The following MOB3B variants were observed in gnomAD, a reference collection of about 807,000 sequenced individuals.
The protein encoded by MOB3B is MOB kinase activator 3B.
MOB3B carries 7 observed loss-of-function variants against 18.7 expected under a neutral mutation model. The ratio of observed to expected loss-of-function variants is 0.37; its 90% CI spans 0.21 to 0.70. The LOEUF is 0.70. MOB3B is among the 30% of genes least tolerant of loss of function. The probability of loss-of-function intolerance (pLI) is 0.52; values close to 1 mark genes in which losing one functional copy is unlikely to be tolerated. For missense variants in MOB3B, 253 were observed against 281.3 expected (o/e 0.90, Z 0.72); for synonymous variants, 111 against 99.9 (o/e 1.11, Z -0.66).
intron 1 of MOB3B, among the ~76,000 whole-genome samples, chr9:27,465,979 TG>T (rs1819377406): frequency 6.6e-6 from 1 of 152,206 alleles, no homozygotes; most frequent in African/African-American, 2.4e-5. Context: ...TGACATGGCC[TG>T]GAGACATTTT....
intron 2 of MOB3B, among the ~76,000 whole-genome samples, chr9:27,426,681 T>TC (rs1295548505): frequency 2.0e-5 from 3 of 151,760 alleles, no homozygotes; most frequent in East Asian, 1.9e-4. Flanking sequence ...CATGACACTG[T>TC]CCCCCCCTGC....
chr9:27,341,585 A>G (rs1309390507), intron 3 of MOB3B, among the ~76,000 whole-genome samples: 1 of 152,190 alleles, frequency 6.6e-6, no homozygotes, highest in Non-Finnish European at 1.5e-5. Flanking sequence ...ATACAATGAG[A>G]TCTCTTGCTA....
chr9:27,382,038 A>C (rs1162727078), intron 2 of MOB3B, among the ~76,000 whole-genome samples: 1 of 152,166 alleles, frequency 6.6e-6, no homozygotes, highest in Non-Finnish European at 1.5e-5. Context: ...TTGGGTTCAT[A>C]ATTCTGACAT....
At chr9:27,443,202 A>G (rs1337660989) in intron 2 of MOB3B, among the ~76,000 whole-genome samples, 2 of 152,140 alleles carry the variant, frequency 1.3e-5, no homozygotes, top group Non-Finnish European at 1.5e-5. Flanking sequence ...GCGTGACACA[A>G]CTGAAAAGCA....
intron 3 of MOB3B, among the ~76,000 whole-genome samples, chr9:27,343,244 G>A (rs1820979159): frequency 6.6e-6 from 1 of 151,436 alleles, no homozygotes; most frequent in African/African-American, 2.4e-5. Flanking sequence ...GGTGGTGCAA[G>A]ATGTGCTTTG....
intron 2 of MOB3B, among the ~76,000 whole-genome samples, chr9:27,384,468 T>TA (rs1441585162): frequency 6.6e-6 from 1 of 152,156 alleles, no homozygotes; most frequent in Non-Finnish European, 1.5e-5. Context: ...TCTTGGCAAC[T>TA]AGCTGGCACA....
intron 1 of MOB3B, among the ~76,000 whole-genome samples, chr9:27,486,615 C>A (rs1044045405): frequency 6.6e-5 from 10 of 152,216 alleles, no homozygotes; most frequent in Non-Finnish European, 1.3e-4. Context: ...CAAGGGCCCG[C>A]ATTCTGATTA....
At chr9:27,462,774 C>T (rs1027676066) in intron 1 of MOB3B, among the ~76,000 whole-genome samples, 1 of 152,206 alleles carries the variant, frequency 6.6e-6, no homozygotes, top group Non-Finnish European at 1.5e-5. Flanking sequence ...GTCTCAAAGT[C>T]TGAAAAATTT....
chr9:27,328,896 T>C lies in MOB3B; in HGVS notation c.*1691A>G, dbSNP rs147224411. 1.3e-5 allele frequency: 2 copies of C among 152,760 alleles called. No individual in the cohort carries two copies. Among genetic ancestry groups the C allele is most frequent in the African/African-American group, 4.8e-5 (2 of 41,568 alleles). The allele number at this position is 152,760 out of a possible 1,614,324, so 9.5% of individuals were successfully genotyped here. A position where few individuals can be genotyped will look rare whatever the true frequency, so the allele number is the denominator to read the frequency against. On this transcript the variant is annotated 3_prime_UTR_variant, in exon 4 of 4. Transcript: ENST00000262244. ...TTACTTAGGAAGGGGGACAAAAGTA[T>C]GTTTATTGTTGACCAGGGCACAGCA...
At chr9:27,350,053 G>A (rs774643693) in intron 3 of MOB3B, among the ~76,000 whole-genome samples, 1 of 152,188 alleles carries the variant, frequency 6.6e-6, no homozygotes, top group Non-Finnish European at 1.5e-5. Flanking sequence ...CACTAGACAT[G>A]TGGCTTTTGA....
At chr9:27,343,217 G>C (rs1418200697) in intron 3 of MOB3B, among the ~76,000 whole-genome samples, 1 of 151,360 alleles carries the variant, frequency 6.6e-6, no homozygotes. Flanking sequence ...TGTCCACTCA[G>C]GGTTAAATGG....
chr9:27,342,986 C>T (rs1053449863), intron 3 of MOB3B, among the ~76,000 whole-genome samples: 2 of 151,172 alleles, frequency 1.3e-5, no homozygotes, highest in Non-Finnish European at 2.9e-5. Flanking sequence ...GAGGTATACC[C>T]AACAGCTCAT....
At position 27,326,630 on chromosome 9, in the gene MOB3B, G is replaced by A. The variant is rs1346235478; in HGVS notation, c.*3957C>T. On this transcript the variant is annotated 3_prime_UTR_variant, in exon 4 of 4. Coordinates refer to ENST00000262244, the MANE Select transcript of MOB3B (RefSeq NM_024761.5). ...ACTGGCATGGTTTGAGAGATAGAAG[G>A]AATTGATTAAGAAACCTCTCAAAGT... The A allele has an allele frequency of 2.5e-6, 1 of 398,366 alleles. No homozygotes were observed. The highest frequency in any genetic ancestry group is 4.4e-6 in the Non-Finnish European group (1 of 225,952). The allele number at this position is 398,366 out of a possible 1,614,324, so 24.7% of individuals were successfully genotyped here.
chr9:27,492,456 T>C (rs1162020736), intron 1 of MOB3B, among the ~76,000 whole-genome samples: 1 of 152,172 alleles, frequency 6.6e-6, no homozygotes, highest in Non-Finnish European at 1.5e-5. Flanking sequence ...TAGGCCCAGG[T>C]ATCAAACAGG....
At chr9:27,414,375 G>A (rs527602783) in intron 2 of MOB3B, among the ~76,000 whole-genome samples, 56 of 152,304 alleles carry the variant, frequency 3.7e-4, no homozygotes, top group African/African-American at 1.3e-3. Context: ...CGGGGGGCTC[G>A]TTCATCTGAA....
At chr9:27,386,067 G>A (rs970573570) in intron 2 of MOB3B, among the ~76,000 whole-genome samples, 5 of 152,256 alleles carry the variant, frequency 3.3e-5, no homozygotes, top group African/African-American at 1.2e-4. Flanking sequence ...TCCTGCTGCT[G>A]CTTTTCCTTG....
At chr9:27,375,650 C>G (rs1821479241) in intron 2 of MOB3B, among the ~76,000 whole-genome samples, 1 of 152,110 alleles carries the variant, frequency 6.6e-6, no homozygotes, top group Admixed American at 6.5e-5. Flanking sequence ...ACACTCACCC[C>G]ATGCATCCTG....
intron 1 of MOB3B, among the ~76,000 whole-genome samples, chr9:27,504,854 C>T (rs1820035765): frequency 6.6e-6 from 1 of 152,180 alleles, no homozygotes; most frequent in South Asian, 2.1e-4. Context: ...GGCTGTGTTA[C>T]TGCTGGAGGT....
intron 3 of MOB3B, among the ~76,000 whole-genome samples, chr9:27,336,110 A>G (rs143564060): frequency 9.0e-4 from 137 of 152,338 alleles, no homozygotes; most frequent in African/African-American, 3.1e-3. Context: ...TCACAACTCT[A>G]TGAACTAGGC....
Sources: gnomAD v4.1 joint callset for allele counts (sites outside exome capture counted in the v4.1 genomes callset) on GRCh38, gnomAD v4.1.1 for gene constraint, MANE v1.5 for transcripts, NCBI Gene and HGNC (gene_info 2026-07-23, HGNC 2026-07-21) for gene names.